The following ELMOD1 variants were observed in gnomAD, a reference collection of about 807,000 sequenced individuals.
ELMOD1 encodes the protein ELMO domain-containing protein 1.
ELMOD1 carries 21 observed loss-of-function variants against 46.7 expected under a neutral mutation model. The observed-to-expected ratio is 0.45, with a 90% CI of 0.32 to 0.65. The LOEUF is 0.65. Ranked by LOEUF, ELMOD1 falls within the 30% of genes least tolerant of loss-of-function variation. The pLI, the probability that ELMOD1 is intolerant of heterozygous loss-of-function variation, is 0.04. For synonymous variants in ELMOD1, 122 were observed against 138.2 expected (o/e 0.88, Z 0.82); for missense variants, 348 against 407.8 (o/e 0.85, Z 1.26).
intron 1 of ELMOD1, among the ~76,000 whole-genome samples, chr11:107,613,600 G>A (rs374129930): frequency 5.3e-5 from 8 of 152,086 alleles, no homozygotes; most frequent in Non-Finnish European, 8.8e-5. Context: ...TGTAAAGAAC[G>A]GGGAGTTAAA....
At position 107,665,981 on chromosome 11, in the gene ELMOD1, A is replaced by T. The variant is rs1042535393; in HGVS notation, c.*784A>T. 4 of 149,556 alleles carry T rather than the reference A, an allele frequency of 2.7e-5. No individual in the cohort carries two copies. The highest frequency in any genetic ancestry group is 5.9e-5 in the Non-Finnish European group (4 of 67,706). The allele number at this position is 149,556 out of a possible 1,614,324, so 9.3% of individuals were successfully genotyped here. ...ATCTCAAAAATAAATAAATAAATAA[A>T]TAAATAAATAAATAAATAAATAAAT... On this transcript the variant is annotated 3_prime_UTR_variant, in exon 12 of 12. Transcript: ENST00000265840.
intron 1 of ELMOD1, among the ~76,000 whole-genome samples, chr11:107,605,944 C>T (rs1369090194): frequency 6.6e-6 from 1 of 152,132 alleles, no homozygotes; most frequent in South Asian, 2.1e-4. Flanking sequence ...TCGCTTCTTT[C>T]TCTCCTCATG....
chr11:107,663,916 T>C (rs959675824), intron 11 of ELMOD1, among the ~76,000 whole-genome samples: 4 of 152,322 alleles, frequency 2.6e-5, no homozygotes, highest in East Asian at 1.9e-4. Context: ...TCCAGAATCC[T>C]GTCTTCTATT....
At chr11:107,660,721 T>C (rs1327643248) in intron 11 of ELMOD1, among the ~76,000 whole-genome samples, 2 of 152,208 alleles carry the variant, frequency 1.3e-5, no homozygotes, top group African/African-American at 4.8e-5. Flanking sequence ...GTAATATCTG[T>C]GTTACCTACT....
intron 1 of ELMOD1, among the ~76,000 whole-genome samples, chr11:107,609,034 T>A (rs1865733611): frequency 6.6e-6 from 1 of 152,196 alleles, no homozygotes; most frequent in Non-Finnish European, 1.5e-5. Context: ...TGTGTGACCT[T>A]GGAAGGTTCC....
chr11:107,651,637 T>C (rs1403520185), intron 9 of ELMOD1, among the ~76,000 whole-genome samples: 2 of 143,444 alleles, frequency 1.4e-5, no homozygotes, highest in Non-Finnish European at 2.9e-5. Flanking sequence ...CATTTAGCTC[T>C]TTCTTGTTAT....
chr11:107,609,222 TTAAGC>T (rs1329034524), intron 1 of ELMOD1, among the ~76,000 whole-genome samples: 1 of 152,238 alleles, frequency 6.6e-6, no homozygotes, highest in Admixed American at 6.5e-5. Context: ...TTATAAAACT[TTAAGC>T]TAAGACTTAA....
chr11:107,592,411 G>T (rs113275741), intron 1 of ELMOD1: 3 of 534,580 alleles, frequency 5.6e-6, no homozygotes, highest in Non-Finnish European at 1.2e-5. Flanking sequence ...CAGGCATCCA[G>T]GCATTGTTCT....
At chr11:107,631,309 T>C (rs1184996036) in intron 4 of ELMOD1, among the ~76,000 whole-genome samples, 1 of 151,812 alleles carries the variant, frequency 6.6e-6, no homozygotes, top group Non-Finnish European at 1.5e-5. Flanking sequence ...CATTTCAATA[T>C]AGGTAGCTTG....
In ELMOD1 at chr11:107,650,335, G is replaced by A; in HGVS notation, c.555G>A (p.Gln185=). ...CGGTTTTCTTTCCCTCCCGCTGCAG[G>A]TATTTCGCGGAAAGGGATGCCACAG... ...GMGLLGLYNL[Q]YFAERDATAA... is the part of the protein sequence containing the mutation. Residue 185 remains glutamine, a splice_region_variant and synonymous_variant, in exon 8 of 12, where the codon CAG becomes CAA. Transcript: ENST00000265840. 1.3e-6 allele frequency: 2 copies of A among 1,578,450 alleles called. No individual in the cohort carries two copies. The highest frequency in any genetic ancestry group is 1.2e-5 in the South Asian group (1 of 85,786).
rs1866824862 is a variant in ELMOD1, at chr11:107,665,354, C to T, written c.*157C>T. On this transcript the variant is annotated 3_prime_UTR_variant, in exon 12 of 12. Transcript: ENST00000265840. The stretch of plus-strand genomic sequence containing the variant: ...TCTCTTGGTCATAATTCCGAGATCC[C>T]CAGAGACCACTGTTTCTGGAGTATC... 1 of 720,778 alleles carries T rather than the reference C, an allele frequency of 1.4e-6. No homozygotes were observed. Among genetic ancestry groups the T allele is most frequent in the East Asian group, 2.6e-5 (1 of 38,442 alleles). 44.6% of individuals were successfully genotyped at this position (720,778 alleles called of 1,614,324 possible).
intron 6 of ELMOD1, among the ~76,000 whole-genome samples, chr11:107,645,322 T>A (rs1380191733): frequency 6.6e-6 from 1 of 151,590 alleles, no homozygotes; most frequent in Non-Finnish European, 1.5e-5. Context: ...CAGTTTCTGG[T>A]TTTTGTTTTT....
chr11:107,630,317 C>T, intron 2 of ELMOD1, 100 bp from the exon 3 acceptor site: 1 of 1,088,470 alleles, frequency 9.2e-7, no homozygotes, highest in South Asian at 1.7e-5. Flanking sequence ...ATTTTTCTAA[C>T]CCCTGATTTT....
At chr11:107,644,118 AAAAT>A (rs1866375144) in intron 6 of ELMOD1, among the ~76,000 whole-genome samples, 1 of 151,854 alleles carries the variant, frequency 6.6e-6, no homozygotes, top group Non-Finnish European at 1.5e-5. Flanking sequence ...ACTAAAAAAT[AAAAT>A]AAAATAAAAT....
intron 7 of ELMOD1, among the ~76,000 whole-genome samples, chr11:107,649,349 G>A (rs1866485665): frequency 6.6e-6 from 1 of 152,038 alleles, no homozygotes; most frequent in Non-Finnish European, 1.5e-5. Context: ...TGGAAAAGAA[G>A]AATCAATAAA....
At chr11:107,602,691 T>C (rs1865620859) in intron 1 of ELMOD1, among the ~76,000 whole-genome samples, 1 of 152,024 alleles carries the variant, frequency 6.6e-6, no homozygotes, top group Non-Finnish European at 1.5e-5. Flanking sequence ...AATAGTTTTC[T>C]TGTCTTTGCA....
At chr11:107,618,228 G>A in intron 2 of ELMOD1, 22 bp downstream of exon 2, 1 of 1,557,524 alleles carries the variant, frequency 6.4e-7, no homozygotes, top group Admixed American at 1.9e-5. Flanking sequence ...CGGTTCCCTG[G>A]CTGAGCCCTC....
At position 107,601,841 on chromosome 11, in the gene ELMOD1, C is replaced by T. The variant is rs576786672; in HGVS notation, c.-86+10432C>T. On this transcript the variant is annotated intron_variant, in intron 1 of 11. Transcript: ENST00000265840. ...ATATATGTCAAATAATCTGTCAGTT[C>T]CAGTTTTTTTTTGAAGACATCTTTT... Among the ~76,000 whole-genome samples the T allele has an allele frequency of 1.8e-4, 27 of 152,094 alleles. No homozygotes were observed. In the South Asian group the frequency reaches 2.1e-3, roughly 12 times the overall value.
intron 7 of ELMOD1, among the ~76,000 whole-genome samples, chr11:107,648,975 GA>G (rs1866479793): frequency 1.3e-5 from 2 of 152,098 alleles, no homozygotes; most frequent in Non-Finnish European, 2.9e-5. Context: ...ATTTTTAAAA[GA>G]AGTTAATTAA....
Sources: allele counts gnomAD v4.1 joint callset (sites outside exome capture counted in the v4.1 genomes callset), GRCh38; gene constraint gnomAD v4.1.1; transcripts MANE v1.5; gene names NCBI Gene and HGNC (gene_info 2026-07-23, HGNC 2026-07-21).